The following TXNRD1 variants were observed in gnomAD, a reference collection of about 807,000 sequenced individuals.
TXNRD1 encodes the protein thioredoxin reductase 1.
TXNRD1 carries 57 observed loss-of-function variants against 80.3 expected under a neutral mutation model. The ratio of observed to expected loss-of-function variants is 0.71; its 90% CI spans 0.57 to 0.89. TXNRD1 has a LOEUF of 0.89. Ranked by LOEUF, TXNRD1 falls within the 40% of genes least tolerant of loss-of-function variation. The pLI, the probability that TXNRD1 is intolerant of heterozygous loss-of-function variation, is 0.00. For synonymous variants in TXNRD1, 291 were observed against 285.2 expected, an observed-to-expected ratio of 1.02 and a Z score of -0.20; for missense variants, 730 against 803.0, an observed-to-expected ratio of 0.91 and a Z score of 1.10.
At chr12:104,263,241 G>T (rs7137723) in intron 3 of TXNRD1, among the ~76,000 whole-genome samples, 18,633 of 152,174 alleles carry the variant, frequency 0.12, 1,487 homozygotes, top group South Asian at 0.22. Flanking sequence ...ACCTTCTTAT[G>T]ATGAGGAAAT....
At chr12:104,279,835 A>T (rs7316394) in intron 3 of TXNRD1, among the ~76,000 whole-genome samples, 1 of 151,814 alleles carries the variant, frequency 6.6e-6, no homozygotes, top group East Asian at 1.9e-4. Flanking sequence ...GAGGCCGAGG[A>T]GGGTGGATCA....
chr12:104,266,790 G>A (rs868147722), intron 3 of TXNRD1, among the ~76,000 whole-genome samples: 1 of 152,054 alleles, frequency 6.6e-6, no homozygotes, highest in East Asian at 1.9e-4. Context: ...GTGAAACCCC[G>A]TCTCTACTAA....
chr12:104,252,662 T>TTATATATATATATA (rs869105935), intron 2 of TXNRD1, among the ~76,000 whole-genome samples: 1 of 45,820 alleles, frequency 2.2e-5, no homozygotes, highest in African/African-American at 8.5e-5. Context: ...TTATTATTTT[T>TTATATATATATATA]TATATATATA....
chr12:104,307,101 A>G (rs2034947589), intron 4 of TXNRD1, among the ~76,000 whole-genome samples: 1 of 152,192 alleles, frequency 6.6e-6, no homozygotes, highest in Admixed American at 6.5e-5. Context: ...CATGACACCA[A>G]CCAGTAAAAT....
rs140782517 is a variant in TXNRD1, at chr12:104,263,278, A to G, written c.304+5199A>G. Among the ~76,000 whole-genome samples, 815 of 152,350 alleles carry G rather than the reference A, an allele frequency of 5.3e-3. 20 individuals are homozygous for G. In the South Asian group the frequency reaches 0.073, roughly 14 times the overall value. On this transcript the variant is annotated intron_variant, in intron 3 of 16. Coordinates refer to ENST00000525566, the MANE Select transcript of TXNRD1 (RefSeq NM_001093771.3). ...AAAACATAGTAAAGTATTAGTATAC[A>G]GGGTGGCTGGCTTTCTAGTGAACCT...
chr12:104,335,005 TAAGA>T (rs2036085676), intron 15 of TXNRD1, among the ~76,000 whole-genome samples: 1 of 152,208 alleles, frequency 6.6e-6, no homozygotes, highest in African/African-American at 2.4e-5. Flanking sequence ...CTGGCACTAC[TAAGA>T]AAGAGCTCTT....
At chr12:104,265,981 T>C (rs1002193678) in intron 3 of TXNRD1, 6 of 597,496 alleles carry the variant, frequency 1.0e-5, no homozygotes, top group Admixed American at 3.3e-5. Context: ...AAAGAAATAA[T>C]AATAGGTTTT....
intron 1 of TXNRD1, among the ~76,000 whole-genome samples, chr12:104,221,094 T>C (rs1208223567): frequency 2.0e-5 from 3 of 152,046 alleles, no homozygotes; most frequent in Non-Finnish European, 2.9e-5. Flanking sequence ...AAAGTGAGCC[T>C]CAGTCTCTGC....
At chr12:104,305,167 C>A in intron 4 of TXNRD1, 1 of 387,476 alleles carries the variant, frequency 2.6e-6, no homozygotes, top group Non-Finnish European at 4.6e-6. Flanking sequence ...ATTGAATGCC[C>A]TTTAAGACTA....
At chr12:104,228,609 C>A (rs967561965) in intron 1 of TXNRD1, among the ~76,000 whole-genome samples, 1 of 152,144 alleles carries the variant, frequency 6.6e-6, no homozygotes, top group African/African-American at 2.4e-5. Flanking sequence ...CCAGCCTGGG[C>A]AACAAGAGTG....
chr12:104,272,437 G>A (rs904909661), intron 3 of TXNRD1, among the ~76,000 whole-genome samples: 2 of 152,144 alleles, frequency 1.3e-5, no homozygotes, highest in African/African-American at 4.8e-5. Context: ...GCAGATAATC[G>A]GAATGAGTCA....
intron 1 of TXNRD1, among the ~76,000 whole-genome samples, chr12:104,246,414 C>A (rs1341720943): frequency 6.6e-6 from 1 of 150,928 alleles, no homozygotes; most frequent in African/African-American, 2.4e-5. Flanking sequence ...GGCGACAGTG[C>A]GAGACTCCAT....
intron 1 of TXNRD1, chr12:104,224,676 A>G (rs6539128): frequency 0.88 from 311,659 of 352,384 alleles, 138,474 homozygotes; most frequent in African/African-American, 0.98. Context: ...GAGCCACCGC[A>G]CCTATAGCTG....
chr12:104,294,358 G>A (rs184538856), intron 4 of TXNRD1, among the ~76,000 whole-genome samples: 2 of 151,810 alleles, frequency 1.3e-5, no homozygotes, highest in East Asian at 2.0e-4. Context: ...TGGCATCACC[G>A]CTAGACCAAG....
At position 104,313,289 on chromosome 12, in the gene TXNRD1, C is replaced by T; in HGVS notation, c.582C>T (p.Val194=). Residue 194 remains valine, a synonymous_variant, in exon 6 of 17, where the codon GTC becomes GTT. Transcript: ENST00000525566. ...YGKKVMVLDF[V]TPTPLGTRWG... ...AGAAGGTGATGGTCCTGGACTTTGT[C>T]ACTCCCACCCCTCTTGGAACTAGAT... is the stretch of plus-strand genomic sequence containing the variant. 2.5e-6 allele frequency: 4 copies of T among 1,592,416 alleles called. No individual in the cohort carries two copies. Among genetic ancestry groups the T allele is most frequent in the Non-Finnish European group, 3.4e-6 (4 of 1,168,074 alleles).
Position 104,254,630 on chromosome 12 carries a change from G to GAAAAAAAAAAAAAAAAAAAA in TXNRD1, c.243+2967_243+2968insAAAAAAAAAAAAAAAAAAAA, listed in dbSNP as rs760022093. 2.1e-3 allele frequency among the ~76,000 whole-genome samples: 37 copies of GAAAAAAAAAAAAAAAAAAAA among 17,294 alleles called. 5 individuals carry two copies. The highest frequency in any genetic ancestry group is 2.9e-3 in the South Asian group (1 of 342). The allele number at this position is 17,294 out of a possible 152,430, so 11.3% of individuals were successfully genotyped here. On this transcript the variant is annotated intron_variant, in intron 2 of 16. Transcript: ENST00000525566. ...AGCATAACAAGACTCTATGTCTATGGAAAAAAAAAAAAAAATATATATATA... is the reference window on the plus strand; with the variant it reads ...AGCATAACAAGACTCTATGTCTATGGAAAAAAAAAAAAAAAAAAAAAAAAAAAAAAAAAAATATATATATA...
chr12:104,334,116 G>T, intron 14 of TXNRD1, 121 bp from the exon 15 acceptor site: 1 of 432,416 alleles, frequency 2.3e-6, no homozygotes. Flanking sequence ...TTTATTCCAT[G>T]AATTTTATTA....
intron 4 of TXNRD1, among the ~76,000 whole-genome samples, chr12:104,307,999 CTTT>C (rs11300166): frequency 7.0e-6 from 1 of 143,294 alleles, no homozygotes. Flanking sequence ...CCTTTTCTTT[CTTT>C]TTTTTTTTTT....
At position 104,315,886 on chromosome 12, in the gene TXNRD1, C is replaced by A; in HGVS notation, c.720C>A (p.Val240=). The change falls in exon 7 of 17, where the codon GTC becomes GTA. Residue 240 remains valine, a synonymous_variant. Transcript: ENST00000525566. ...LQDSRNYGWK[V]EETVKHDWDR... ...ACTCTCGAAATTATGGATGGAAAGT[C>A]GAGGAGACAGGTATGAGAGGGAAAA... The A allele has an allele frequency of 1.9e-6, 3 of 1,610,028 alleles. No individual in the cohort carries two copies. The South Asian group carries it at 3.3e-5, about 18-fold the overall frequency.
Sources: allele counts gnomAD v4.1 joint callset (sites outside exome capture counted in the v4.1 genomes callset), GRCh38; gene constraint gnomAD v4.1.1; transcripts MANE v1.5; gene names NCBI Gene and HGNC (gene_info 2026-07-23, HGNC 2026-07-21).